The following BRINP1 variants were observed in gnomAD, a reference collection of about 807,000 sequenced individuals.
The protein encoded by BRINP1 is BMP/retinoic acid-inducible neural-specific protein 1.
Under a neutral mutation model 72.9 loss-of-function variants are expected in BRINP1, and 17 were observed. That is an observed-to-expected ratio of 0.23 (90% CI 0.16 to 0.35). The LOEUF (loss-of-function observed/expected upper bound fraction) is 0.35. BRINP1 is among the 10% of genes least tolerant of loss of function. The probability of loss-of-function intolerance (pLI) is 1.00; values close to 1 mark genes in which losing one functional copy is unlikely to be tolerated. For missense variants in BRINP1, 850 were observed against 1,001.6 expected, an observed-to-expected ratio of 0.85 and a Z score of 2.04; for synonymous variants, 418 against 378.5, an observed-to-expected ratio of 1.10 and a Z score of -1.21.
At chr9:119,253,371 G>A (rs1478015105) in intron 2 of BRINP1, among the ~76,000 whole-genome samples, 1 of 152,124 alleles carries the variant, frequency 6.6e-6, no homozygotes, top group Admixed American at 6.6e-5. Flanking sequence ...CCAATCAATG[G>A]ATGAATGGAT....
At chr9:119,332,376 C>T (rs911782530) in intron 1 of BRINP1, among the ~76,000 whole-genome samples, 7 of 152,170 alleles carry the variant, frequency 4.6e-5, no homozygotes, top group Middle Eastern at 3.2e-3. Context: ...CCATAACAAC[C>T]TATGGGATAG....
At chr9:119,243,421 T>C (rs1032068114) in intron 3 of BRINP1, among the ~76,000 whole-genome samples, 2 of 152,228 alleles carry the variant, frequency 1.3e-5, no homozygotes, top group Admixed American at 6.5e-5. Context: ...CCATGGTGTA[T>C]ATGTACCACA....
chr9:119,365,607 A>G (rs1271231922), intron 1 of BRINP1, among the ~76,000 whole-genome samples: 1 of 152,224 alleles, frequency 6.6e-6, no homozygotes, highest in Admixed American at 6.5e-5. Flanking sequence ...CTTTGGGCAA[A>G]GACCTTTTCA....
At chr9:119,237,134 C>T (rs1463999266) in intron 5 of BRINP1, among the ~76,000 whole-genome samples, 1 of 152,156 alleles carries the variant, frequency 6.6e-6, no homozygotes, top group Non-Finnish European at 1.5e-5. Flanking sequence ...CTCCCACTGA[C>T]ATTCAGAATC....
At chr9:119,218,307 C>T (rs560333384) in intron 5 of BRINP1, among the ~76,000 whole-genome samples, 1 of 150,802 alleles carries the variant, frequency 6.6e-6, no homozygotes, top group African/African-American at 2.4e-5. Flanking sequence ...CGGGTTCAAG[C>T]GATTCTCCTA....
rs192525456 is a variant in BRINP1 at position 119,276,691 on chromosome 9, G to A, written c.219-27541C>T. Among the ~76,000 whole-genome samples the A allele has an allele frequency of 9.2e-4, 140 of 152,200 alleles. 1 individual carries two copies. The highest frequency in any genetic ancestry group is 3.3e-3 in the African/African-American group (137 of 41,528). ...TATACTGGTGCATGTTTTCTCCAGGGTAGATACTGAGAGATGGTATAGCTG... is the reference window on the plus strand; with the variant it reads ...TATACTGGTGCATGTTTTCTCCAGGATAGATACTGAGAGATGGTATAGCTG... On this transcript the variant is annotated intron_variant, in intron 2 of 7. Transcript: ENST00000265922.
chr9:119,347,035 G>T (rs1831459298), intron 1 of BRINP1, among the ~76,000 whole-genome samples: 1 of 152,120 alleles, frequency 6.6e-6, no homozygotes, highest in Non-Finnish European at 1.5e-5. Flanking sequence ...GCAGAAAGTT[G>T]CCCACATAGA....
chr9:119,235,792 T>G (rs1830187536), intron 5 of BRINP1, among the ~76,000 whole-genome samples: 1 of 152,196 alleles, frequency 6.6e-6, no homozygotes, highest in African/African-American at 2.4e-5. Context: ...ATCATTTTCA[T>G]AAAATCCTAG....
At chr9:119,366,507 T>TGG (rs1219922243) in intron 1 of BRINP1, among the ~76,000 whole-genome samples, 25 of 824 alleles carry the variant, frequency 0.03, no homozygotes, top group Admixed American at 0.032. Context: ...CACCACCGTG[T>TGG]GTGTGTGTGT....
At chr9:119,203,647 C>A (rs1018588195) in intron 7 of BRINP1, among the ~76,000 whole-genome samples, 2 of 152,158 alleles carry the variant, frequency 1.3e-5, no homozygotes, top group Admixed American at 1.3e-4. Flanking sequence ...CAGTAACTTC[C>A]TCCAGACTTA....
intron 1 of BRINP1, among the ~76,000 whole-genome samples, chr9:119,350,814 A>G (rs1831500159): frequency 6.6e-6 from 1 of 152,166 alleles, no homozygotes; most frequent in Non-Finnish European, 1.5e-5. Context: ...TGTGAAATCA[A>G]ATATATATAA....
intron 7 of BRINP1, among the ~76,000 whole-genome samples, chr9:119,172,628 TTA>T (rs1002540645): frequency 6.6e-6 from 1 of 151,494 alleles, no homozygotes; most frequent in African/African-American, 2.4e-5. Context: ...CTAACTCATT[TTA>T]TGAGGCCAGC....
At chr9:119,171,937 G>A (rs1564208543) in intron 7 of BRINP1, among the ~76,000 whole-genome samples, 2 of 131,774 alleles carry the variant, frequency 1.5e-5, no homozygotes, top group South Asian at 2.6e-4. Flanking sequence ...AAACCAACGA[G>A]AACAAAGACA....
intron 2 of BRINP1, among the ~76,000 whole-genome samples, chr9:119,268,576 T>C (rs1252021110): frequency 6.6e-6 from 1 of 152,210 alleles, no homozygotes; most frequent in African/African-American, 2.4e-5. Flanking sequence ...AAAGCTAAAC[T>C]AGACATCTTC....
intron 7 of BRINP1, 151 bp from the exon 8 acceptor site, chr9:119,168,375 C>CG: frequency 1.7e-6 from 1 of 581,764 alleles, no homozygotes; most frequent in Non-Finnish European, 2.8e-6. Context: ...CGAATATAAA[C>CG]GTAAGAACTA....
intron 2 of BRINP1, among the ~76,000 whole-genome samples, chr9:119,273,821 T>A (rs1830629259): frequency 6.6e-6 from 1 of 152,190 alleles, no homozygotes; most frequent in Non-Finnish European, 1.5e-5. Flanking sequence ...TGCAAAAGTA[T>A]CAGGTTCAGA....
chr9:119,237,488 G>A (rs183311424), intron 5 of BRINP1, among the ~76,000 whole-genome samples: 10 of 151,376 alleles, frequency 6.6e-5, no homozygotes, highest in Admixed American at 3.3e-4. Context: ...TCAGCTTCCC[G>A]AGTAGCTGGG....
At chr9:119,231,155 A>C (rs1356637126) in intron 5 of BRINP1, among the ~76,000 whole-genome samples, 1 of 152,128 alleles carries the variant, frequency 6.6e-6, no homozygotes, top group Non-Finnish European at 1.5e-5. Context: ...AGAGGTATTA[A>C]AATCTGAAAA....
intron 1 of BRINP1, among the ~76,000 whole-genome samples, chr9:119,313,705 C>A (rs1045899233): frequency 2.0e-5 from 3 of 152,084 alleles, no homozygotes; most frequent in Non-Finnish European, 4.4e-5. Flanking sequence ...GGAAGTAAAA[C>A]TGAGGGTGAG....
Sources: allele counts gnomAD v4.1 joint callset (sites outside exome capture counted in the v4.1 genomes callset), GRCh38; gene constraint gnomAD v4.1.1; transcripts MANE v1.5; gene names NCBI Gene and HGNC (gene_info 2026-07-23, HGNC 2026-07-21).